The following RMND1 variants were observed in gnomAD, a reference collection of about 807,000 sequenced individuals.
The protein encoded by RMND1 is required for meiotic nuclear division protein 1 homolog.
Under a neutral mutation model 54.0 loss-of-function variants are expected in RMND1, and 41 were observed. That is an observed-to-expected ratio of 0.76 (90% CI 0.59 to 0.98). RMND1 has a LOEUF of 0.98. Ranked by LOEUF, RMND1 falls within the 50% of genes least tolerant of loss-of-function variation. The probability of loss-of-function intolerance (pLI) is 0.00; values close to 1 mark genes in which losing one functional copy is unlikely to be tolerated. For synonymous variants in RMND1, 183 were observed against 181.7 expected (o/e 1.01, Z -0.06); for missense variants, 457 against 532.0 (o/e 0.86, Z 1.39).
rs71014585 is a variant in RMND1, at chr6:151,449,060, C to CAAAAAAAAAAA, written c.-15+2945_-15+2955dup. On this transcript the variant is annotated intron_variant, in intron 1 of 11. Transcript: ENST00000444024. ...TGAGCAACAAAGCGAGACTCTGTCT[C>CAAAAAAAAAAA]AAAAAAAAAAAAAAAAAAAAAAAAA... 7.0e-4 allele frequency among the ~76,000 whole-genome samples: 13 copies of CAAAAAAAAAAA among 18,678 alleles called. 2 individuals carry two copies. Among genetic ancestry groups the CAAAAAAAAAAA allele is most frequent in the African/African-American group, 2.7e-3 (11 of 4,020 alleles). 12.3% of individuals were successfully genotyped at this position (18,678 alleles called of 152,430 possible). A position where few individuals can be genotyped will look rare whatever the true frequency, so the allele number is the denominator to read the frequency against.
At position 151,450,727 on chromosome 6, in the gene RMND1, C is replaced by T. The variant is rs558662321; in HGVS notation, c.-15+1289G>A. ...ACTCAACAGCTCATTGAGAACGGGA[C>T]GGGATGACAATGGCGGTTTTGTGTA... On this transcript the variant is annotated intron_variant, in intron 1 of 11. Transcript: ENST00000444024. Among the ~76,000 whole-genome samples the T allele has an allele frequency of 9.3e-5, 14 of 151,074 alleles. No homozygotes were observed. The South Asian group carries it at 1.3e-3, about 14-fold the overall frequency.
chr6:151,422,510 C>A (rs767567439), intron 8 of RMND1, 31 bp downstream of exon 8: 7 of 1,085,902 alleles, frequency 6.4e-6, no homozygotes, highest in Non-Finnish European at 9.2e-6. Context: ...AAAAATCAAT[C>A]CTTGAATAAG....
At position 151,405,793 on chromosome 6, in the gene RMND1, A is replaced by G; in HGVS notation, c.1244T>C (p.Leu415Pro). ...KLQHCMELTD[L>P]MRNHLNEKRA... ...CTTCTCATTCAGGTGATTCCGCATT[A>G]GATCTGTTAGTTCCATGCAGTGCTG... The change falls in exon 11 of 12, where the codon CTA becomes CCA. Residue 415 changes from leucine to proline, a missense_variant. By Grantham distance (98) the Leu-to-Pro change is moderately conservative. Transcript: ENST00000444024. 1 of 1,612,462 alleles carries G rather than the reference A, an allele frequency of 6.2e-7. No homozygotes were observed. The highest frequency in any genetic ancestry group is 8.5e-7 in the Non-Finnish European group (1 of 1,178,576).
chr6:151,411,407 C>CACA (rs1779829308), intron 10 of RMND1: 1 of 152,400 alleles, frequency 6.6e-6, no homozygotes. Flanking sequence ...TGCTCATGTG[C>CACA]ACAGAGGTAT....
Position 151,422,292 on chromosome 6 carries a change from A to G in RMND1, c.1002+249T>C, listed in dbSNP as rs866167685. 1.4e-4 allele frequency among the ~76,000 whole-genome samples: 22 copies of G among 152,308 alleles called. No individual in the cohort carries two copies. The Middle Eastern group carries it at 0.01, about 71-fold the overall frequency. ...TAACAACTATTTACATAGTATTTACATTATATTAGGTATTTTAGGTAATCT... is the reference window on the plus strand; with the variant it reads ...TAACAACTATTTACATAGTATTTACGTTATATTAGGTATTTTAGGTAATCT... On this transcript the variant is annotated intron_variant, in intron 8 of 11. Coordinates refer to ENST00000444024, the MANE Select transcript of RMND1 (RefSeq NM_017909.4).
intron 5 of RMND1, among the ~76,000 whole-genome samples, chr6:151,429,009 T>C (rs7759131): frequency 0.015 from 2,361 of 152,334 alleles, 52 homozygotes; most frequent in African/African-American, 0.051. Flanking sequence ...TTCTTTTCTC[T>C]AAGTTCCCTT....
At chr6:151,412,145 G>A (rs1779860736) in intron 10 of RMND1, among the ~76,000 whole-genome samples, 2 of 152,066 alleles carry the variant, frequency 1.3e-5, no homozygotes, top group South Asian at 2.1e-4. Context: ...GGGATTACAG[G>A]CGTCCACCAC....
intron 9 of RMND1, among the ~76,000 whole-genome samples, chr6:151,418,856 C>CA (rs1780077470): frequency 6.6e-6 from 1 of 150,554 alleles, no homozygotes; most frequent in East Asian, 2.0e-4. Flanking sequence ...CCACAACCTC[C>CA]ACCTCTTGGG....
intron 10 of RMND1, among the ~76,000 whole-genome samples, chr6:151,406,110 T>C (rs988875239): frequency 5.3e-5 from 8 of 152,230 alleles, no homozygotes; most frequent in African/African-American, 1.9e-4. Context: ...TTTTAGTAGC[T>C]GCCCTTTTTA....
intron 10 of RMND1, among the ~76,000 whole-genome samples, chr6:151,407,360 A>G (rs931501324): frequency 2.0e-5 from 3 of 150,920 alleles, no homozygotes; most frequent in Admixed American, 6.6e-5. Flanking sequence ...TGGCTGCTTG[A>G]TCTTGGTCTT....
At chr6:151,410,378 A>G (rs906484351) in intron 10 of RMND1, among the ~76,000 whole-genome samples, 1 of 151,988 alleles carries the variant, frequency 6.6e-6, no homozygotes, top group Non-Finnish European at 1.5e-5. Flanking sequence ...TTCTTAGAAG[A>G]CTGTAAAGCT....
At chr6:151,449,857 G>A (rs1056947429) in intron 1 of RMND1, among the ~76,000 whole-genome samples, 1 of 152,220 alleles carries the variant, frequency 6.6e-6, no homozygotes, top group Admixed American at 6.5e-5. Context: ...CGCTGTGTTG[G>A]CCGGGCTGGT....
intron 2 of RMND1, among the ~76,000 whole-genome samples, chr6:151,438,963 A>C (rs920024782): frequency 1.3e-5 from 2 of 152,002 alleles, no homozygotes; most frequent in African/African-American, 4.8e-5. Flanking sequence ...AAAATACAAA[A>C]ATTAGCCAGG....
At chr6:151,449,811 A>G (rs1351909273) in intron 1 of RMND1, among the ~76,000 whole-genome samples, 1 of 152,068 alleles carries the variant, frequency 6.6e-6, no homozygotes, top group Non-Finnish European at 1.5e-5. Context: ...GCCACGCCTG[A>G]CTGGTTTTCG....
At chr6:151,409,039 G>A (rs1779719539) in intron 10 of RMND1, 1 of 152,230 alleles carries the variant, frequency 6.6e-6, no homozygotes, top group Non-Finnish European at 1.5e-5. Flanking sequence ...AACATTTACT[G>A]TACTACGCTG....
At chr6:151,443,824 AAAC>A (rs1183633145) in intron 2 of RMND1, among the ~76,000 whole-genome samples, 2 of 152,246 alleles carry the variant, frequency 1.3e-5, no homozygotes, top group African/African-American at 4.8e-5. Flanking sequence ...CCACAACAAT[AAAC>A]AACAAACACT....
chr6:151,432,860 G>A lies in RMND1; in HGVS notation c.689+295C>T, dbSNP rs114289272. 8.0e-3 allele frequency among the ~76,000 whole-genome samples: 1,211 copies of A among 152,202 alleles called. 16 individuals carry two copies. The highest frequency in any genetic ancestry group is 0.025 in the African/African-American group (1,020 of 41,524). ...GACAAGGGGCACTAAAGATGAATGG[G>A]AAATTGGCTGCTTTCCAGAAATTTA... On this transcript the variant is annotated intron_variant, in intron 4 of 11. Coordinates refer to ENST00000444024, the MANE Select transcript of RMND1 (RefSeq NM_017909.4).
intron 2 of RMND1, among the ~76,000 whole-genome samples, chr6:151,440,535 AG>A (rs1780743791): frequency 6.6e-6 from 1 of 152,206 alleles, no homozygotes; most frequent in African/African-American, 2.4e-5. Context: ...GGCCATCCTA[AG>A]GATCTTTGTT....
At chr6:151,418,235 G>A (rs1048537581) in intron 9 of RMND1, among the ~76,000 whole-genome samples, 71 of 152,182 alleles carry the variant, frequency 4.7e-4, no homozygotes, top group African/African-American at 1.5e-3. Flanking sequence ...ACAGCACAGC[G>A]AAACCCTATC....
Sources: allele counts gnomAD v4.1 joint callset (sites outside exome capture counted in the v4.1 genomes callset), GRCh38; gene constraint gnomAD v4.1.1; transcripts MANE v1.5; gene names NCBI Gene and HGNC (gene_info 2026-07-23, HGNC 2026-07-21).